MAP4: variants seen among roughly 807,000 people sequenced by gnomAD.
The protein encoded by MAP4 is microtubule associated protein 4, also known as microtubule-associated protein 4.
Under a neutral mutation model 170.2 loss-of-function variants are expected in MAP4, and 76 were observed. The observed-to-expected ratio is 0.45, with a 90% CI of 0.37 to 0.54. MAP4 has a LOEUF of 0.54. MAP4 is among the 20% of genes least tolerant of loss of function. The pLI, the probability that MAP4 is intolerant of heterozygous loss-of-function variation, is 0.00. For missense variants in MAP4, 2,506 were observed against 2,748.0 expected, an observed-to-expected ratio of 0.91 and a Z score of 1.97; for synonymous variants, 909 against 994.5, an observed-to-expected ratio of 0.91 and a Z score of 1.62.
At chr3:48,052,709 A>T (rs2100128569) in intron 1 of MAP4, among the ~76,000 whole-genome samples, 5 of 152,206 alleles carry the variant, frequency 3.3e-5, no homozygotes, top group Admixed American at 2.6e-4. Flanking sequence ...TAGAATCAAA[A>T]GCAGAAAGCC....
At chr3:48,074,084 C>T (rs1002577274) in intron 1 of MAP4, among the ~76,000 whole-genome samples, 1 of 151,784 alleles carries the variant, frequency 6.6e-6, no homozygotes. Context: ...ATAGACTGGA[C>T]TAAGAAAATG....
chr3:48,045,540 G>A (rs1014699103), intron 1 of MAP4, among the ~76,000 whole-genome samples: 1 of 151,996 alleles, frequency 6.6e-6, no homozygotes, highest in Non-Finnish European at 1.5e-5. Flanking sequence ...GTTTTATCCC[G>A]AAAACATCCC....
At chr3:47,985,453 C>CT (rs879580272) in intron 2 of MAP4, among the ~76,000 whole-genome samples, 4 of 151,920 alleles carry the variant, frequency 2.6e-5, no homozygotes, top group South Asian at 4.2e-4. Flanking sequence ...TAAATAAATG[C>CT]TTTTTTTTAA....
At chr3:48,033,372 G>A (rs1027729776) in intron 1 of MAP4, among the ~76,000 whole-genome samples, 1 of 152,026 alleles carries the variant, frequency 6.6e-6, no homozygotes, top group African/African-American at 2.4e-5. Flanking sequence ...ATCAGTTATC[G>A]CACTATGCTT....
chr3:47,858,470 C>T (rs752223957), intron 17 of MAP4, among the ~76,000 whole-genome samples: 2 of 152,106 alleles, frequency 1.3e-5, no homozygotes, highest in African/African-American at 2.4e-5. Flanking sequence ...CATGAAATAT[C>T]CCCTTTATTC....
chr3:48,001,044 C>G (rs894227635), intron 1 of MAP4, among the ~76,000 whole-genome samples: 5 of 152,116 alleles, frequency 3.3e-5, no homozygotes, highest in African/African-American at 1.2e-4. Flanking sequence ...ATCGTACCCC[C>G]AATTCCCAAA....
rs529231086 is a variant in MAP4 at position 48,073,551 on chromosome 3, C to T, written c.-20+15222G>A. On this transcript the variant is annotated intron_variant, in intron 1 of 18. Transcript: ENST00000360240. ...GCTTGAACCCAGGAGGCGGAGGTTG[C>T]GGAGAGCCGAGATCGCTCCATTGCA... 4.0e-5 allele frequency among the ~76,000 whole-genome samples: 6 copies of T among 150,180 alleles called. No homozygotes were observed. In the Admixed American group the frequency reaches 4.0e-4, roughly 10 times the overall value.
At chr3:47,878,102 A>G (rs1045275779) in intron 10 of MAP4, among the ~76,000 whole-genome samples, 3 of 152,198 alleles carry the variant, frequency 2.0e-5, no homozygotes, top group African/African-American at 7.2e-5. Context: ...AAGGCAACAT[A>G]GCCTCCTCTC....
intron 4 of MAP4, among the ~76,000 whole-genome samples, chr3:47,925,632 C>T (rs529116928): frequency 6.6e-6 from 1 of 152,176 alleles, no homozygotes; most frequent in South Asian, 2.1e-4. Flanking sequence ...CACAAAGAAA[C>T]CACTTTATAT....
chr3:47,918,597 C>T (rs1559461821), intron 6 of MAP4, 122 bp downstream of exon 6: 6 of 714,522 alleles, frequency 8.4e-6, no homozygotes, highest in Non-Finnish European at 1.5e-5. Context: ...ATAAGCAAAA[C>T]ATTTGTGATT....
At chr3:47,917,390 C>A (rs2100040307) in intron 6 of MAP4, among the ~76,000 whole-genome samples, 1 of 152,006 alleles carries the variant, frequency 6.6e-6, no homozygotes, top group Non-Finnish European at 1.5e-5. Flanking sequence ...GAGTTCGAGA[C>A]CAGCCTGACA....
At chr3:48,048,125 G>C (rs1488752271) in intron 1 of MAP4, among the ~76,000 whole-genome samples, 1 of 152,124 alleles carries the variant, frequency 6.6e-6, no homozygotes, top group African/African-American at 2.4e-5. Context: ...AAGAGAGAGA[G>C]AAAGAGAAAG....
At chr3:47,946,223 G>C (rs1400161245) in intron 3 of MAP4, among the ~76,000 whole-genome samples, 1 of 151,250 alleles carries the variant, frequency 6.6e-6, no homozygotes, top group Non-Finnish European at 1.5e-5. Context: ...GATTACAGGT[G>C]TGAGCCACCA....
chr3:48,042,359 A>C (rs2154534613), intron 1 of MAP4, among the ~76,000 whole-genome samples: 1 of 152,336 alleles, frequency 6.6e-6, no homozygotes, highest in African/African-American at 2.4e-5. Flanking sequence ...GTGCTATAAG[A>C]ATATCAGCAG....
chr3:47,951,013 A>C (rs926547133), intron 3 of MAP4, among the ~76,000 whole-genome samples: 8 of 152,230 alleles, frequency 5.3e-5, no homozygotes, highest in African/African-American at 1.9e-4. Context: ...ATATAAGACT[A>C]GTTTTTCAAG....
upstream of MAP4, among the ~76,000 whole-genome samples, chr3:48,020,384 T>G (rs1262324153): frequency 2.0e-5 from 3 of 152,246 alleles, no homozygotes; most frequent in Non-Finnish European, 1.5e-5. Context: ...AGCCTTCTCT[T>G]GCTGGGGTTG....
chr3:48,075,600 C>T (rs1579839237), intron 1 of MAP4, among the ~76,000 whole-genome samples: 2 of 151,954 alleles, frequency 1.3e-5, no homozygotes, highest in South Asian at 2.1e-4. Context: ...TAAGATGATA[C>T]ACAATTCAAT....
intron 10 of MAP4, among the ~76,000 whole-genome samples, chr3:47,893,309 T>C (rs1392613264): frequency 5.9e-5 from 9 of 152,206 alleles, no homozygotes; most frequent in Admixed American, 5.9e-4. Flanking sequence ...TTTACGCCTG[T>C]CCCTGCCCCC....
chr3:48,021,321 C>T (rs2100110445), upstream of MAP4, among the ~76,000 whole-genome samples: 2 of 151,634 alleles, frequency 1.3e-5, no homozygotes, highest in African/African-American at 4.8e-5. Context: ...ATCAACTATC[C>T]CCAAACTAAT....
Sources: allele counts gnomAD v4.1 joint callset (sites outside exome capture counted in the v4.1 genomes callset), GRCh38; gene constraint gnomAD v4.1.1; transcripts MANE v1.5; gene names NCBI Gene and HGNC (gene_info 2026-07-23, HGNC 2026-07-21).